TMEM132C: variants seen among roughly 807,000 people sequenced by gnomAD.
TMEM132C encodes the protein protein phosphatase 1, regulatory subunit 152.
TMEM132C carries 29 observed loss-of-function variants against 61.4 expected under a neutral mutation model. That is an observed-to-expected ratio of 0.47 (90% CI 0.35 to 0.64). The LOEUF is 0.64. Ranked by LOEUF, TMEM132C falls within the 30% of genes least tolerant of loss-of-function variation. The pLI is 0.00. For missense variants in TMEM132C, 1,408 were observed against 1,476.9 expected (o/e 0.95, Z 0.76); for synonymous variants, 656 against 633.1 (o/e 1.04, Z -0.54).
At chr12:128,550,939 C>T (rs1778743638) in intron 3 of TMEM132C, among the ~76,000 whole-genome samples, 1 of 152,142 alleles carries the variant, frequency 6.6e-6, no homozygotes, top group South Asian at 2.1e-4. Flanking sequence ...GCCCCATCTC[C>T]CCCACTGCAG....
intron 2 of TMEM132C, among the ~76,000 whole-genome samples, chr12:128,508,232 A>G (rs934031225): frequency 6.6e-6 from 1 of 152,178 alleles, no homozygotes; most frequent in African/African-American, 2.4e-5. Flanking sequence ...AAACCATCAG[A>G]TTTCATAAGA....
At chr12:128,533,141 A>T (rs962778681) in intron 2 of TMEM132C, among the ~76,000 whole-genome samples, 12 of 152,210 alleles carry the variant, frequency 7.9e-5, no homozygotes, top group Admixed American at 6.5e-5. Flanking sequence ...TTCTCAGTGC[A>T]GAAGCTGTTA....
intron 4 of TMEM132C, among the ~76,000 whole-genome samples, chr12:128,617,861 C>T (rs976103640): frequency 2.0e-5 from 3 of 152,210 alleles, no homozygotes; most frequent in Non-Finnish European, 4.4e-5. Context: ...TCTGTAAACA[C>T]TTGGAAGTCA....
chr12:128,306,274 C>T (rs1871777604), intron 1 of TMEM132C, among the ~76,000 whole-genome samples: 1 of 149,296 alleles, frequency 6.7e-6, no homozygotes, highest in Admixed American at 6.7e-5. Flanking sequence ...GCGATCTCAG[C>T]TCACTGCAAG....
At chr12:128,459,662 C>T (rs918407312) in intron 2 of TMEM132C, among the ~76,000 whole-genome samples, 6 of 151,874 alleles carry the variant, frequency 4.0e-5, no homozygotes, top group African/African-American at 1.5e-4. Context: ...GAGACCAAGG[C>T]GGGTGGATCA....
chr12:128,606,313 C>T lies in TMEM132C; in HGVS notation c.1122-9839C>T, dbSNP rs181525876. Among the ~76,000 whole-genome samples, 60 of 152,362 alleles carry T rather than the reference C, an allele frequency of 3.9e-4. No individual in the cohort carries two copies. The East Asian group carries it at 7.5e-3, about 19-fold the overall frequency. On this transcript the variant is annotated intron_variant, in intron 3 of 8. Coordinates refer to ENST00000435159, the MANE Select transcript of TMEM132C (RefSeq NM_001136103.3). ...TCCAGAGCACAACAGACCCCTCCCCCGTGTGGCCAGGGGTTCCCTGGAGCC... is the reference window on the plus strand; with the variant it reads ...TCCAGAGCACAACAGACCCCTCCCCTGTGTGGCCAGGGGTTCCCTGGAGCC...
intron 2 of TMEM132C, among the ~76,000 whole-genome samples, chr12:128,424,369 A>G (rs1869106707): frequency 6.6e-6 from 1 of 152,152 alleles, no homozygotes; most frequent in Non-Finnish European, 1.5e-5. Context: ...ATTTACATGC[A>G]ATGATATATT....
intron 5 of TMEM132C, among the ~76,000 whole-genome samples, chr12:128,688,966 GT>G (rs1167620725): frequency 1.3e-5 from 2 of 149,790 alleles, no homozygotes; most frequent in African/African-American, 2.4e-5. Flanking sequence ...GCTAGTTGTT[GT>G]TTTTTTTGTT....
At chr12:128,509,982 T>G (rs1872518030) in intron 2 of TMEM132C, among the ~76,000 whole-genome samples, 1 of 152,174 alleles carries the variant, frequency 6.6e-6, no homozygotes, top group South Asian at 2.1e-4. Context: ...TGGTCCTTAC[T>G]GAGTAGGGGA....
At chr12:128,441,919 T>G (rs1869802060) in intron 2 of TMEM132C, among the ~76,000 whole-genome samples, 1 of 152,102 alleles carries the variant, frequency 6.6e-6, no homozygotes, top group Non-Finnish European at 1.5e-5. Context: ...GGAGAATCAC[T>G]TGAACCGGAG....
chr12:128,289,406 G>A (rs1398709646), intron 1 of TMEM132C, among the ~76,000 whole-genome samples: 1 of 152,156 alleles, frequency 6.6e-6, no homozygotes, highest in East Asian at 1.9e-4. Context: ...AACTCCGTGG[G>A]GCACAGTCCT....
At chr12:128,495,587 T>G (rs934611440) in intron 2 of TMEM132C, among the ~76,000 whole-genome samples, 1 of 152,244 alleles carries the variant, frequency 6.6e-6, no homozygotes, top group African/African-American at 2.4e-5. Flanking sequence ...CATTATGTAA[T>G]GGCCTTCTTT....
At chr12:128,501,415 C>G (rs1224661879) in intron 2 of TMEM132C, among the ~76,000 whole-genome samples, 1 of 152,234 alleles carries the variant, frequency 6.6e-6, no homozygotes, top group African/African-American at 2.4e-5. Flanking sequence ...CTCAGAATGT[C>G]AGCCAATAAT....
At chr12:128,390,518 C>T (rs1018254448) in intron 1 of TMEM132C, among the ~76,000 whole-genome samples, 4 of 152,266 alleles carry the variant, frequency 2.6e-5, no homozygotes, top group African/African-American at 4.8e-5. Flanking sequence ...ATGGGGAGCA[C>T]CCAGTCACTC....
chr12:128,378,300 T>A (rs1358744145), intron 1 of TMEM132C, among the ~76,000 whole-genome samples: 1 of 152,024 alleles, frequency 6.6e-6, no homozygotes, highest in Non-Finnish European at 1.5e-5. Flanking sequence ...TATTTTTTAG[T>A]AGAGACGGGG....
chr12:128,544,226 A>G (rs1161070794), intron 3 of TMEM132C, 123 bp downstream of exon 3: 1 of 1,346,716 alleles, frequency 7.4e-7, no homozygotes, highest in African/African-American at 1.5e-5. Flanking sequence ...TGAACCCACC[A>G]CGTGGAAATC....
intron 1 of TMEM132C, among the ~76,000 whole-genome samples, chr12:128,282,063 C>T (rs1295796083): frequency 6.6e-6 from 1 of 152,144 alleles, no homozygotes; most frequent in Non-Finnish European, 1.5e-5. Flanking sequence ...TATGTTTAAA[C>T]AAGCTCAAAC....
At chr12:128,421,117 C>A (rs775138135) in intron 2 of TMEM132C, among the ~76,000 whole-genome samples, 1 of 152,028 alleles carries the variant, frequency 6.6e-6, no homozygotes, top group Non-Finnish European at 1.5e-5. Context: ...TACATTGTAC[C>A]CAATAGGTAA....
At chr12:128,418,552 A>G (rs1161830612) in intron 2 of TMEM132C, among the ~76,000 whole-genome samples, 1 of 152,304 alleles carries the variant, frequency 6.6e-6, no homozygotes, top group South Asian at 2.1e-4. Context: ...TTAACGTTTT[A>G]TGTTTTTAAA....
Sources: gnomAD v4.1 joint callset for allele counts (sites outside exome capture counted in the v4.1 genomes callset) on GRCh38, gnomAD v4.1.1 for gene constraint, MANE v1.5 for transcripts, NCBI Gene and HGNC (gene_info 2026-07-23, HGNC 2026-07-21) for gene names.